Variants in PCBP3 observed in about 807,000 individuals in gnomAD.
The protein encoded by PCBP3 is poly(rC)-binding protein 3.
PCBP3 carries 25 observed loss-of-function variants against 52.7 expected under a neutral mutation model. The ratio of observed to expected loss-of-function variants is 0.47; its 90% CI spans 0.35 to 0.66. The LOEUF is 0.66. PCBP3 is among the 30% of genes least tolerant of loss of function. The probability of loss-of-function intolerance (pLI) is 0.01; values close to 1 mark genes in which losing one functional copy is unlikely to be tolerated. For missense variants in PCBP3, 391 were observed against 490.3 expected, an observed-to-expected ratio of 0.80 and a Z score of 1.91; for synonymous variants, 162 against 183.0, an observed-to-expected ratio of 0.89 and a Z score of 0.93.
chr21:45,840,906 C>T (rs1026096937), intron 4 of PCBP3, among the ~76,000 whole-genome samples: 2 of 152,236 alleles, frequency 1.3e-5, no homozygotes, highest in African/African-American at 4.8e-5. Context: ...TGAGCCACTG[C>T]ACCCGGCCTT....
Position 45,910,889 on chromosome 21 carries a change from C to A in PCBP3, c.472-13C>A, listed in dbSNP as rs946450191. On this transcript the variant is annotated splice_polypyrimidine_tract_variant and intron_variant, in intron 10 of 17. Transcript: ENST00000681687. Reference sequence around the variant, plus strand: ...CTACCCTGGTGCTCCCTTCCAATGTCCCCTCTCTCCAGTCCACAGGTGCCC... The same window carrying A: ...CTACCCTGGTGCTCCCTTCCAATGTACCCTCTCTCCAGTCCACAGGTGCCC... 6.3e-7 allele frequency: 1 copy of A among 1,589,296 alleles called. No homozygotes were observed. The highest frequency in any genetic ancestry group is 8.6e-7 in the Non-Finnish European group (1 of 1,168,056).
intron 4 of PCBP3, among the ~76,000 whole-genome samples, chr21:45,797,553 A>AGTGAATGCATGGATGGACAAG (rs2092001441): frequency 8.1e-6 from 1 of 123,124 alleles, no homozygotes; most frequent in African/African-American, 3.1e-5. Context: ...GGATGGACAG[A>AGTGAATGCATGGATGGACAAG]TGCATGGATC....
intron 2 of PCBP3, among the ~76,000 whole-genome samples, chr21:45,683,681 C>T (rs1441022458): frequency 2.0e-5 from 3 of 152,134 alleles, no homozygotes; most frequent in Non-Finnish European, 4.4e-5. Flanking sequence ...AATCCCAGCA[C>T]TTTGGGAGAC....
intron 4 of PCBP3, among the ~76,000 whole-genome samples, chr21:45,814,971 GTGA>G: frequency 7.9e-6 from 1 of 126,760 alleles, no homozygotes. Context: ...TGAGTGGTGA[GTGA>G]TGAGTGAGTG....
chr21:45,927,523 A>T (rs866971437), intron 13 of PCBP3, among the ~76,000 whole-genome samples: 2 of 150,824 alleles, frequency 1.3e-5, no homozygotes, highest in African/African-American at 4.9e-5. Context: ...AATTGAGTCC[A>T]AACGAGGTGC....
intron 11 of PCBP3, 149 bp from the exon 12 acceptor site, chr21:45,913,801 TC>T: frequency 1.5e-6 from 1 of 682,482 alleles, no homozygotes. Context: ...TTCACTCCCC[TC>T]CCCCAGCACT....
chr21:45,710,132 A>G (rs2083731473), intron 2 of PCBP3, among the ~76,000 whole-genome samples: 1 of 152,198 alleles, frequency 6.6e-6, no homozygotes, highest in South Asian at 2.1e-4. Context: ...TCTTCACTGT[A>G]AAGTGACTCT....
intron 2 of PCBP3, among the ~76,000 whole-genome samples, chr21:45,730,592 C>A (rs1011340754): frequency 1.3e-5 from 2 of 152,084 alleles, no homozygotes; most frequent in Non-Finnish European, 2.9e-5. Context: ...CCGTACTGAT[C>A]TTCTGTGTAG....
chr21:45,733,891 G>A (rs1271267056), intron 2 of PCBP3, among the ~76,000 whole-genome samples: 1 of 152,110 alleles, frequency 6.6e-6, no homozygotes, highest in Non-Finnish European at 1.5e-5. Context: ...TAATGTCTTT[G>A]TGTACTAATG....
chr21:45,783,101 C>T lies in PCBP3; in HGVS notation c.-126+27649C>T, dbSNP rs137856078. Among the ~76,000 whole-genome samples, 297 of 152,312 alleles carry T rather than the reference C, an allele frequency of 1.9e-3. 1 individual carries two copies. Among genetic ancestry groups the T allele is most frequent in the Non-Finnish European group, 2.5e-3 (173 of 68,028 alleles). On this transcript the variant is annotated intron_variant, in intron 4 of 17. Transcript: ENST00000681687. The stretch of plus-strand genomic sequence containing the variant: ...GGAAAGCAACATCTTCCCCCTTTCT[C>T]GCCCAGATAATGACATTTTTGCCCA...
intron 9 of PCBP3, among the ~76,000 whole-genome samples, chr21:45,906,623 G>A (rs921066995): frequency 1.3e-5 from 2 of 151,852 alleles, no homozygotes; most frequent in Non-Finnish European, 2.9e-5. Flanking sequence ...CAGGTGCAGC[G>A]TCAAGACCCT....
intron 4 of PCBP3, among the ~76,000 whole-genome samples, chr21:45,784,403 T>C (rs113699653): frequency 0.021 from 2,434 of 117,516 alleles, 38 homozygotes; most frequent in Middle Eastern, 0.044. Context: ...TACCGCTACC[T>C]CTACCGCTAC....
intron 2 of PCBP3, among the ~76,000 whole-genome samples, chr21:45,687,199 C>T (rs778500370): frequency 7.2e-5 from 11 of 151,988 alleles, no homozygotes; most frequent in Non-Finnish European, 1.3e-4. Flanking sequence ...CTTTAAAGTG[C>T]TAAAAGAAAG....
At chr21:45,869,598 G>A (rs2094916122) in intron 5 of PCBP3, among the ~76,000 whole-genome samples, 1 of 152,176 alleles carries the variant, frequency 6.6e-6, no homozygotes, top group Admixed American at 6.5e-5. Flanking sequence ...CTGTCAACAT[G>A]CATGTGGGCT....
At chr21:45,781,016 G>T (rs2090598464) in intron 4 of PCBP3, among the ~76,000 whole-genome samples, 1 of 152,124 alleles carries the variant, frequency 6.6e-6, no homozygotes, top group Non-Finnish European at 1.5e-5. Flanking sequence ...GTGTCTAGCT[G>T]TCCCACAGGA....
intron 4 of PCBP3, among the ~76,000 whole-genome samples, chr21:45,846,282 T>A (rs1017543089): frequency 6.6e-6 from 1 of 152,216 alleles, no homozygotes; most frequent in African/African-American, 2.4e-5. Flanking sequence ...TGATATAAAT[T>A]ACCAAGGAAA....
At chr21:45,667,706 G>A (rs1028258277) in intron 1 of PCBP3, among the ~76,000 whole-genome samples, 2 of 151,966 alleles carry the variant, frequency 1.3e-5, no homozygotes, top group Non-Finnish European at 1.5e-5. Context: ...CCCTGTGTAT[G>A]GGCCATATTT....
chr21:45,727,266 A>C (rs1203219809), intron 2 of PCBP3, among the ~76,000 whole-genome samples: 1 of 152,248 alleles, frequency 6.6e-6, no homozygotes, highest in Non-Finnish European at 1.5e-5. Flanking sequence ...CAGTTGTTCC[A>C]GCACCATTTC....
intron 4 of PCBP3, among the ~76,000 whole-genome samples, chr21:45,787,205 C>T (rs1012694736): frequency 4.4e-4 from 67 of 152,212 alleles, no homozygotes; most frequent in African/African-American, 1.4e-3. Flanking sequence ...GTTTCTGGAA[C>T]GTAATTCATT....
Sources: allele counts gnomAD v4.1 joint callset (sites outside exome capture counted in the v4.1 genomes callset), GRCh38; gene constraint gnomAD v4.1.1; transcripts MANE v1.5; gene names NCBI Gene and HGNC (gene_info 2026-07-23, HGNC 2026-07-21).